The following SLC35F1 variants were observed in gnomAD, a reference collection of about 807,000 sequenced individuals.
The protein encoded by SLC35F1 is solute carrier family 35 member F1.
SLC35F1 carries 14 observed loss-of-function variants against 48.7 expected under a neutral mutation model. The ratio of observed to expected loss-of-function variants is 0.29; its 90% CI spans 0.19 to 0.45. SLC35F1 has a LOEUF of 0.45. Ranked by LOEUF, SLC35F1 falls within the 20% of genes least tolerant of loss-of-function variation. The probability of loss-of-function intolerance (pLI) is 1.00; values close to 1 mark genes in which losing one functional copy is unlikely to be tolerated. For synonymous variants in SLC35F1, 190 were observed against 202.2 expected, an observed-to-expected ratio of 0.94 and a Z score of 0.51; for missense variants, 404 against 500.0, an observed-to-expected ratio of 0.81 and a Z score of 1.83.
chr6:118,259,217 T>G (rs1455848475), intron 3 of SLC35F1, among the ~76,000 whole-genome samples: 2 of 151,814 alleles, frequency 1.3e-5, no homozygotes, highest in Non-Finnish European at 2.9e-5. Context: ...AAATTGGCAA[T>G]AAAAAAGATA....
intron 1 of SLC35F1, among the ~76,000 whole-genome samples, chr6:118,150,500 T>G (rs190683448): frequency 6.6e-6 from 1 of 152,192 alleles, no homozygotes; most frequent in Non-Finnish European, 1.5e-5. Context: ...AGGAAAGGCA[T>G]AGCATATTGC....
chr6:118,182,693 A>C lies in SLC35F1; in HGVS notation c.349+28073A>C, dbSNP rs1774600386. On this transcript the variant is annotated intron_variant, in intron 2 of 7. Coordinates refer to ENST00000360388, the MANE Select transcript of SLC35F1 (RefSeq NM_001029858.4). ...AGACCAGCCTGGCCAACATGATGAG[A>C]CCTCATCTCTATTTTCAAAATAAAA... Among the ~76,000 whole-genome samples the C allele has an allele frequency of 2.0e-5, 3 of 152,148 alleles. No homozygotes were observed. The South Asian group carries it at 6.2e-4, about 32-fold the overall frequency.
At chr6:118,008,391 C>T (rs1327428192) in intron 1 of SLC35F1, among the ~76,000 whole-genome samples, 1 of 152,122 alleles carries the variant, frequency 6.6e-6, no homozygotes, top group African/African-American at 2.4e-5. Flanking sequence ...GGAGGAGCAA[C>T]TGAGAAATCT....
chr6:118,254,102 C>T (rs1309891349), intron 3 of SLC35F1, among the ~76,000 whole-genome samples: 2 of 152,002 alleles, frequency 1.3e-5, no homozygotes, highest in East Asian at 3.9e-4. Flanking sequence ...CAGGCAAGTC[C>T]TTAGGGGAAG....
intron 1 of SLC35F1, among the ~76,000 whole-genome samples, chr6:118,128,258 C>T (rs1773657832): frequency 6.8e-6 from 1 of 147,638 alleles, no homozygotes; most frequent in Non-Finnish European, 1.5e-5. Flanking sequence ...TGTGGCGATT[C>T]CTCAGGGATC....
intron 2 of SLC35F1, among the ~76,000 whole-genome samples, chr6:118,233,365 T>C (rs1395585119): frequency 1.3e-5 from 2 of 152,150 alleles, no homozygotes; most frequent in South Asian, 2.1e-4. Context: ...TTGTCAAACA[T>C]GTAAGGCAAG....
chr6:118,272,522 A>T (rs901866831), intron 4 of SLC35F1, among the ~76,000 whole-genome samples: 19 of 152,092 alleles, frequency 1.2e-4, no homozygotes, highest in Non-Finnish European at 2.2e-4. Context: ...TGCATAAACT[A>T]TGTTAATATT....
intron 1 of SLC35F1, among the ~76,000 whole-genome samples, chr6:117,947,766 G>C (rs977660007): frequency 2.6e-5 from 4 of 152,112 alleles, no homozygotes; most frequent in Non-Finnish European, 5.9e-5. Context: ...GGAATGTATA[G>C]TATGTATTCA....
intron 3 of SLC35F1, among the ~76,000 whole-genome samples, chr6:118,253,524 G>A (rs1005926390): frequency 4.6e-5 from 7 of 152,066 alleles, no homozygotes; most frequent in Admixed American, 4.6e-4. Flanking sequence ...AAGAGGTGGG[G>A]TGAGAGCCAA....
At chr6:118,014,989 T>C (rs954674173) in intron 1 of SLC35F1, among the ~76,000 whole-genome samples, 1 of 152,172 alleles carries the variant, frequency 6.6e-6, no homozygotes, top group African/African-American at 2.4e-5. Context: ...CTAAAGATAA[T>C]TGAATCACAG....
At chr6:118,307,700 C>T (rs1443343337) in intron 7 of SLC35F1, among the ~76,000 whole-genome samples, 4 of 152,132 alleles carry the variant, frequency 2.6e-5, no homozygotes, top group Admixed American at 6.5e-5. Flanking sequence ...TGTTTGTGTT[C>T]GTTTTTCCAT....
chr6:118,173,188 C>T (rs1178343327), intron 2 of SLC35F1, among the ~76,000 whole-genome samples: 2 of 151,932 alleles, frequency 1.3e-5, no homozygotes, highest in Non-Finnish European at 2.9e-5. Flanking sequence ...AAAAGATCAA[C>T]TCTCATTCTA....
At chr6:118,161,048 C>A (rs205958) in intron 2 of SLC35F1, among the ~76,000 whole-genome samples, 42 of 152,100 alleles carry the variant, frequency 2.8e-4, no homozygotes, top group African/African-American at 9.6e-4. Context: ...AGGCTAAATT[C>A]TCCATGACCA....
At chr6:118,265,357 C>T (rs1012445256) in intron 3 of SLC35F1, among the ~76,000 whole-genome samples, 1 of 152,188 alleles carries the variant, frequency 6.6e-6, no homozygotes, top group African/African-American at 2.4e-5. Flanking sequence ...CTCTTAATCC[C>T]TGCAGTGTTC....
At chr6:118,143,071 C>T (rs973024372) in intron 1 of SLC35F1, among the ~76,000 whole-genome samples, 6 of 152,174 alleles carry the variant, frequency 3.9e-5, no homozygotes, top group African/African-American at 1.4e-4. Context: ...TCGATGGAAT[C>T]TAATTTTCCC....
At chr6:117,918,744 C>G (rs1775858687) in intron 1 of SLC35F1, among the ~76,000 whole-genome samples, 1 of 152,058 alleles carries the variant, frequency 6.6e-6, no homozygotes, top group Non-Finnish European at 1.5e-5. Context: ...AAAAGATGAA[C>G]TCAGATCTGT....
At chr6:118,018,302 C>T (rs965234152) in intron 1 of SLC35F1, among the ~76,000 whole-genome samples, 5 of 151,486 alleles carry the variant, frequency 3.3e-5, no homozygotes, top group Admixed American at 6.6e-5. Context: ...ACCCGGGAGG[C>T]GGAGGTTGCA....
chr6:118,247,375 A>G (rs1775520756), intron 3 of SLC35F1, among the ~76,000 whole-genome samples: 1 of 152,196 alleles, frequency 6.6e-6, no homozygotes, highest in Admixed American at 6.5e-5. Flanking sequence ...GAACAAAATT[A>G]TTCCAGCCCA....
chr6:118,237,718 A>G (rs1775383847), intron 3 of SLC35F1, among the ~76,000 whole-genome samples: 2 of 152,262 alleles, frequency 1.3e-5, no homozygotes, highest in Admixed American at 1.3e-4. Context: ...CGATAGTTAT[A>G]ATGTCCTTCA....
Sources: gnomAD v4.1 joint callset for allele counts (sites outside exome capture counted in the v4.1 genomes callset) on GRCh38, gnomAD v4.1.1 for gene constraint, MANE v1.5 for transcripts, NCBI Gene and HGNC (gene_info 2026-07-23, HGNC 2026-07-21) for gene names.